The following GLB1L2 variants were observed in gnomAD, a reference collection of about 807,000 sequenced individuals.
GLB1L2 encodes beta-galactosidase-1-like protein 2.
GLB1L2 carries 68 observed loss-of-function variants against 84.1 expected under a neutral mutation model. That is an observed-to-expected ratio of 0.81 (90% CI 0.67 to 0.99). The LOEUF (loss-of-function observed/expected upper bound fraction) is 0.99. Among genes scored for constraint, GLB1L2 ranks in the 50% least tolerant of loss-of-function variants. GLB1L2 has a pLI of 0.00. For missense variants in GLB1L2, 762 were observed against 805.6 expected, an observed-to-expected ratio of 0.95 and a Z score of 0.66; for synonymous variants, 290 against 318.0, an observed-to-expected ratio of 0.91 and a Z score of 0.94.
chr11:134,371,317 C>T, intron 13 of GLB1L2, 104 bp from the exon 14 acceptor site: 1 of 1,190,598 alleles, frequency 8.4e-7, no homozygotes, highest in African/African-American at 1.5e-5. Context: ...CCACTGGCCC[C>T]TCGTCTGCCT....
chr11:134,373,742 T>C lies in GLB1L2; in HGVS notation c.1529T>C (p.Leu510Pro), dbSNP rs1431803567. 6.2e-7 allele frequency: 1 copy of C among 1,612,548 alleles called. No homozygotes were observed. The highest frequency in any genetic ancestry group is 1.1e-5 in the South Asian group (1 of 91,002). Reference sequence around the variant, plus strand: ...ACAGGCTTAATTGGAAATCTCTATCTGAATGATTCACCCCTGAAAAACTTC... The same window carrying C: ...ACAGGCTTAATTGGAAATCTCTATCCGAATGATTCACCCCTGAAAAACTTC... ...QRKGLIGNLY[L>P]NDSPLKNFRI... Residue 510 changes from leucine to proline, a missense_variant, in exon 16 of 19, where the codon CTG becomes CCG. Leu to Pro is a moderately conservative substitution (Grantham distance 98). Transcript: ENST00000535456.
rs1404868069 is a variant in GLB1L2, at chr11:134,334,852, T to C, written c.86+2705T>C. 6.6e-6 allele frequency among the ~76,000 whole-genome samples: 1 copy of C among 152,214 alleles called. No individual in the cohort carries two copies. Among genetic ancestry groups the C allele is most frequent in the Non-Finnish European group, 1.5e-5 (1 of 68,044 alleles). ...AGTGCGAACCGTGCCTTTGAGCCAG[T>C]TGCCTTTCATTCTCTTCCTATTCGC... On this transcript the variant is annotated intron_variant, in intron 1 of 18. Transcript: ENST00000535456. This position sits in a 1 kb window ranked among gnomAD's most constrained non-coding sequence, Gnocchi z 4.1.
intron 8 of GLB1L2, chr11:134,364,964 C>T (rs963908273): frequency 6.5e-6 from 1 of 152,982 alleles, no homozygotes; most frequent in African/African-American, 2.4e-5. Context: ...TGGACAGGGC[C>T]ATGCTGCAGC....
chr11:134,365,681 C>T (rs1163694471), intron 8 of GLB1L2, among the ~76,000 whole-genome samples: 1 of 152,168 alleles, frequency 6.6e-6, no homozygotes, highest in Non-Finnish European at 1.5e-5. Context: ...GCGAGCCTTC[C>T]CAGGCCAGCT....
intron 8 of GLB1L2, among the ~76,000 whole-genome samples, chr11:134,366,030 A>G (rs4937879): frequency 0.72 from 109,241 of 152,148 alleles, 39,464 homozygotes; most frequent in East Asian, 0.92. Flanking sequence ...AGTGTATAAG[A>G]CACCCTGTAA....
chr11:134,370,925 C>T lies in GLB1L2; in HGVS notation c.1216-83C>T, dbSNP rs1051198550. The T allele has an allele frequency of 2.1e-5, 32 of 1,511,632 alleles. No homozygotes were observed. Among genetic ancestry groups the T allele is most frequent in the Non-Finnish European group, 1.8e-6 (2 of 1,104,452 alleles). 93.6% of individuals were successfully genotyped at this position (1,511,632 alleles called of 1,614,324 possible). A position where few individuals can be genotyped will look rare whatever the true frequency, so the allele number is the denominator to read the frequency against. ...CACCCACCAAACCTCCGCTTCCACC[C>T]CATGTGCCAGCCCCCAGGCAGAGTC... On this transcript the variant is annotated intron_variant, in intron 12 of 18. Transcript: ENST00000535456. This position sits in a 1 kb window ranked among gnomAD's most constrained non-coding sequence, Gnocchi z 4.7.
intron 6 of GLB1L2, among the ~76,000 whole-genome samples, chr11:134,358,637 G>A (rs1363934905): frequency 6.6e-6 from 1 of 152,294 alleles, no homozygotes; most frequent in Non-Finnish European, 1.5e-5. Flanking sequence ...GGACAGGCCT[G>A]TTGCTTGTGC....
At chr11:134,362,226 CTCT>C (rs1943802887) in intron 7 of GLB1L2, among the ~76,000 whole-genome samples, 1 of 152,070 alleles carries the variant, frequency 6.6e-6, no homozygotes, top group Admixed American at 6.5e-5. Flanking sequence ...GAATGTATTT[CTCT>C]TCTCATAGCA....
intron 8 of GLB1L2, among the ~76,000 whole-genome samples, chr11:134,365,680 C>T (rs1943859523): frequency 6.6e-6 from 1 of 152,214 alleles, no homozygotes; most frequent in African/African-American, 2.4e-5. Context: ...CGCGAGCCTT[C>T]CCAGGCCAGC....
At chr11:134,337,983 C>T (rs576449777) in intron 1 of GLB1L2, among the ~76,000 whole-genome samples, 1 of 152,300 alleles carries the variant, frequency 6.6e-6, no homozygotes, top group South Asian at 2.1e-4. Flanking sequence ...CCTTTGGGGC[C>T]GGCAAGGACT....
At chr11:134,363,658 T>C (rs1249212955) in intron 7 of GLB1L2, among the ~76,000 whole-genome samples, 3 of 152,180 alleles carry the variant, frequency 2.0e-5, no homozygotes, top group African/African-American at 7.2e-5. Flanking sequence ...AGAGGAATCT[T>C]TGTTTACATC....
chr11:134,358,557 C>T (rs144500301), intron 6 of GLB1L2, among the ~76,000 whole-genome samples: 4 of 152,388 alleles, frequency 2.6e-5, no homozygotes, highest in Admixed American at 6.5e-5. Flanking sequence ...ACCGTGGGCA[C>T]GTGACAGGGC....
intron 18 of GLB1L2, 35 bp downstream of exon 18, chr11:134,374,753 CG>C (rs1565444280): frequency 6.5e-7 from 1 of 1,533,260 alleles, no homozygotes; most frequent in Non-Finnish European, 9.0e-7. Context: ...TTCCCCATGA[CG>C]CCCTGCCCAC....
chr11:134,342,176 GC>G (rs1310132368), intron 1 of GLB1L2, among the ~76,000 whole-genome samples: 1 of 152,082 alleles, frequency 6.6e-6, no homozygotes, highest in Non-Finnish European at 1.5e-5. Flanking sequence ...GCGCTTTCTC[GC>G]GGACCGGAGC....
At chr11:134,360,674 T>C (rs1011516076) in intron 7 of GLB1L2, 1 of 151,496 alleles carries the variant, frequency 6.6e-6, no homozygotes, top group African/African-American at 2.4e-5. Flanking sequence ...TTTTTTTTTT[T>C]AATTAAAAAA....
intron 8 of GLB1L2, chr11:134,364,616 C>T (rs544158686): frequency 3.0e-5 from 16 of 539,884 alleles, no homozygotes; most frequent in African/African-American, 1.7e-4. Context: ...GGACATCACC[C>T]ACTGCCCTGA....
Position 134,370,892 on chromosome 11 carries a change from G to A in GLB1L2, c.1216-116G>A. ...ATGTTTAGTGCAATGAGAAGTCAAA[G>A]TAGAAAACACCCACCAAACCTCCGC... On this transcript the variant is annotated intron_variant, in intron 12 of 18. Transcript: ENST00000535456. This position sits in a 1 kb window ranked among gnomAD's most constrained non-coding sequence, Gnocchi z 4.7. 7 of 1,188,580 alleles carry A rather than the reference G, an allele frequency of 5.9e-6. No homozygotes were observed. Among genetic ancestry groups the A allele is most frequent in the Non-Finnish European group, 8.4e-6 (7 of 830,830 alleles). The allele number at this position is 1,188,580 out of a possible 1,614,324, so 73.6% of individuals were successfully genotyped here.
intron 4 of GLB1L2, among the ~76,000 whole-genome samples, chr11:134,345,721 G>C (rs569290513): frequency 5.9e-5 from 9 of 152,122 alleles, no homozygotes; most frequent in African/African-American, 2.2e-4. Context: ...TGCCCACCTC[G>C]GCCTCCCAAA....
chr11:134,345,922 G>A (rs1434481630), intron 4 of GLB1L2, among the ~76,000 whole-genome samples: 3 of 152,176 alleles, frequency 2.0e-5, no homozygotes, highest in African/African-American at 7.2e-5. Flanking sequence ...GGCTGAGTTT[G>A]GTGTTCTGTG....
Sources: gnomAD v4.1 joint callset for allele counts (sites outside exome capture counted in the v4.1 genomes callset) on GRCh38, gnomAD v4.1.1 for gene constraint, Gnocchi (gnomAD v3.1) non-coding constraint, MANE v1.5 for transcripts, NCBI Gene and HGNC (gene_info 2026-07-23, HGNC 2026-07-21) for gene names.